Variants in TBC1D19 observed in about 807,000 individuals in gnomAD.
The protein encoded by TBC1D19 is TBC1 domain family member 19, also known as TBC1 domain family, member 19.
Under a neutral mutation model 89.0 loss-of-function variants are expected in TBC1D19, and 60 were observed. That is an observed-to-expected ratio of 0.67 (90% CI 0.55 to 0.84). The LOEUF (loss-of-function observed/expected upper bound fraction) is 0.84, where lower values mean the gene tolerates loss of function less well. Among genes scored for constraint, TBC1D19 ranks in the 40% least tolerant of loss-of-function variants. The probability of loss-of-function intolerance (pLI) is 0.00; values close to 1 mark genes in which losing one functional copy is unlikely to be tolerated. For synonymous variants in TBC1D19, 189 were observed against 199.7 expected (o/e 0.95, Z 0.45); for missense variants, 500 against 610.8 (o/e 0.82, Z 1.91).
chr4:26,577,021 G>A (rs1030773406), intron 1 of TBC1D19, among the ~76,000 whole-genome samples: 1 of 152,166 alleles, frequency 6.6e-6, no homozygotes, highest in Non-Finnish European at 1.5e-5. Flanking sequence ...TAATGTGGGT[G>A]GGACTCATCC....
At chr4:26,703,477 C>T (rs1715488438) in intron 13 of TBC1D19, among the ~76,000 whole-genome samples, 1 of 152,110 alleles carries the variant, frequency 6.6e-6, no homozygotes, top group Admixed American at 6.6e-5. Flanking sequence ...GCAGAGCTGC[C>T]TAGCAACACA....
At chr4:26,799,299 T>G in the TBC1D19 span, among the ~76,000 whole-genome samples, 1 of 152,044 alleles carries the variant, frequency 6.6e-6, no homozygotes, top group Non-Finnish European at 1.5e-5. Flanking sequence ...ATCAAGCCAC[T>G]GTACTCCAGC....
intron 8 of TBC1D19, among the ~76,000 whole-genome samples, chr4:26,665,491 A>T (rs1356656941): frequency 6.6e-6 from 1 of 152,104 alleles, no homozygotes; most frequent in Admixed American, 6.6e-5. Flanking sequence ...TTATATATTT[A>T]AAAAATACCA....
chr4:26,655,796 A>C (rs1264872947), intron 7 of TBC1D19, among the ~76,000 whole-genome samples: 1 of 152,170 alleles, frequency 6.6e-6, no homozygotes, highest in Non-Finnish European at 1.5e-5. Context: ...TAGGAAAGGG[A>C]ATTCCCTGAC....
the TBC1D19 span, among the ~76,000 whole-genome samples, chr4:26,786,257 T>A: frequency 3.3e-5 from 5 of 152,094 alleles, no homozygotes; most frequent in African/African-American, 1.2e-4. Context: ...CAGTTGTCAG[T>A]GAGTATTCAA....
At chr4:26,634,516 G>A (rs1252511721) in intron 4 of TBC1D19, among the ~76,000 whole-genome samples, 1 of 151,996 alleles carries the variant, frequency 6.6e-6, no homozygotes. Context: ...AAGAGGAGGT[G>A]GCTACAAAAT....
At chr4:26,720,238 A>T in intron 15 of TBC1D19, 113 bp downstream of exon 15, 3 of 776,786 alleles carry the variant, frequency 3.9e-6, no homozygotes, top group Non-Finnish European at 5.9e-6. Context: ...TATCTAAAAT[A>T]AACCTTCCAT....
chr4:26,614,859 G>A (rs559146440), intron 3 of TBC1D19, among the ~76,000 whole-genome samples: 1 of 152,112 alleles, frequency 6.6e-6, no homozygotes, highest in East Asian at 1.9e-4. Flanking sequence ...TGTATTTTTA[G>A]TAGAGATAGG....
At chr4:26,793,146 G>C in the TBC1D19 span, among the ~76,000 whole-genome samples, 1 of 152,298 alleles carries the variant, frequency 6.6e-6, no homozygotes, top group Admixed American at 6.5e-5. Flanking sequence ...GCACTTCCAA[G>C]AAGGAGGAAG....
At chr4:26,577,282 CGTGT>C (rs140352482) in intron 1 of TBC1D19, among the ~76,000 whole-genome samples, 7 of 149,524 alleles carry the variant, frequency 4.7e-5, no homozygotes, top group African/African-American at 1.2e-4. Flanking sequence ...TCTTCTCTCT[CGTGT>C]GTGTGTGTGT....
the TBC1D19 span, among the ~76,000 whole-genome samples, chr4:26,805,681 C>A: frequency 6.6e-6 from 1 of 152,130 alleles, no homozygotes; most frequent in South Asian, 2.1e-4. Context: ...TTCTCCATTC[C>A]CAGCCAGAGA....
intron 15 of TBC1D19, among the ~76,000 whole-genome samples, chr4:26,729,994 T>G (rs912219648): frequency 6.6e-6 from 1 of 152,172 alleles, no homozygotes; most frequent in Admixed American, 6.5e-5. Flanking sequence ...TTAATATTTT[T>G]GAAAGATAAC....
chr4:26,657,130 G>C (rs1023196212), intron 7 of TBC1D19, among the ~76,000 whole-genome samples: 14 of 150,178 alleles, frequency 9.3e-5, no homozygotes, highest in African/African-American at 3.2e-4. Context: ...TACATGTGCA[G>C]AATGTGCAGT....
downstream of TBC1D19, among the ~76,000 whole-genome samples, chr4:26,757,697 A>G (rs572342587): frequency 6.6e-6 from 1 of 152,288 alleles, no homozygotes; most frequent in African/African-American, 2.4e-5. Context: ...TGCAGGGAAA[A>G]TAGAGACCAT....
intron 17 of TBC1D19, among the ~76,000 whole-genome samples, chr4:26,741,449 C>A (rs568584290): frequency 3.5e-4 from 53 of 151,660 alleles, no homozygotes; most frequent in Admixed American, 7.9e-4. Flanking sequence ...ATATTCTATG[C>A]CATTTTATGC....
At chr4:26,582,061 A>G (rs1417202385), upstream of TBC1D19, among the ~76,000 whole-genome samples, 1 of 151,614 alleles carries the variant, frequency 6.6e-6, no homozygotes, top group African/African-American at 2.4e-5. Flanking sequence ...TCTCTTCTTT[A>G]ACAAAATTAT....
chr4:26,742,960 A>G (rs929019487), intron 18 of TBC1D19, among the ~76,000 whole-genome samples: 1 of 152,170 alleles, frequency 6.6e-6, no homozygotes, highest in African/African-American at 2.4e-5. Flanking sequence ...AATATAGGCC[A>G]CATTTATCAG....
chr4:26,605,130 G>T (rs1740902546), intron 1 of TBC1D19, among the ~76,000 whole-genome samples: 1 of 151,158 alleles, frequency 6.6e-6, no homozygotes, highest in African/African-American at 2.4e-5. Context: ...GTAGATATGT[G>T]CCATGCTGGT....
At chr4:26,763,584 A>G in the TBC1D19 span, among the ~76,000 whole-genome samples, 1 of 152,204 alleles carries the variant, frequency 6.6e-6, no homozygotes, top group Admixed American at 6.5e-5. Context: ...TTGATGGCGC[A>G]TGCCTCCCTA....
Sources: gnomAD v4.1 joint callset for allele counts (sites outside exome capture counted in the v4.1 genomes callset) on GRCh38, gnomAD v4.1.1 for gene constraint, MANE v1.5 for transcripts, NCBI Gene and HGNC (gene_info 2026-07-23, HGNC 2026-07-21) for gene names.